Variants in LRP1B observed in about 807,000 individuals in gnomAD.
LRP1B encodes the protein low-density lipoprotein receptor-related protein 1B.
A neutral mutation model predicts 556.6 loss-of-function variants in LRP1B; 217 were observed. The ratio of observed to expected loss-of-function variants is 0.39; its 90% CI spans 0.35 to 0.44. LRP1B has a LOEUF of 0.44. Among genes scored for constraint, LRP1B ranks in the 20% least tolerant of loss-of-function variants. The pLI is 1.00. For missense variants in LRP1B, 5,053 were observed against 5,620.8 expected, an observed-to-expected ratio of 0.90 and a Z score of 3.23; for synonymous variants, 2,047 against 1,865.8, an observed-to-expected ratio of 1.10 and a Z score of -2.50.
At chr2:140,951,204 C>T (rs1007004239) in intron 19 of LRP1B, among the ~76,000 whole-genome samples, 3 of 152,094 alleles carry the variant, frequency 2.0e-5, no homozygotes, top group African/African-American at 7.2e-5. Flanking sequence ...AACATGAGAA[C>T]CCACTCTTTA....
At chr2:140,554,931 T>C (rs1680677348) in intron 43 of LRP1B, among the ~76,000 whole-genome samples, 1 of 151,772 alleles carries the variant, frequency 6.6e-6, no homozygotes, top group Non-Finnish European at 1.5e-5. Context: ...TATTTGCGTA[T>C]GTACACAAAA....
intron 7 of LRP1B, among the ~76,000 whole-genome samples, chr2:141,084,101 T>C (rs1310892994): frequency 6.6e-6 from 1 of 152,192 alleles, no homozygotes; most frequent in Non-Finnish European, 1.5e-5. Flanking sequence ...AGATAAGCAG[T>C]TCTTAGTAGA....
At chr2:140,585,864 G>A (rs1681962533) in intron 43 of LRP1B, among the ~76,000 whole-genome samples, 2 of 152,042 alleles carry the variant, frequency 1.3e-5, no homozygotes. Flanking sequence ...GAAAATCAGT[G>A]ATTTCAATGT....
At chr2:141,710,623 G>A (rs932901321) in intron 2 of LRP1B, among the ~76,000 whole-genome samples, 1 of 152,134 alleles carries the variant, frequency 6.6e-6, no homozygotes, top group Non-Finnish European at 1.5e-5. Context: ...GTTTCATAGA[G>A]GAAGTACTAA....
In LRP1B at chr2:141,328,646, G is replaced by T. The variant is rs181356620; in HGVS notation, c.344-74005C>A. Among the ~76,000 whole-genome samples the T allele has an allele frequency of 2.0e-5, 3 of 152,294 alleles. No individual in the cohort carries two copies. The East Asian group carries it at 5.8e-4, about 29-fold the overall frequency. On this transcript the variant is annotated intron_variant, in intron 3 of 90. Transcript: ENST00000389484. ...CTCCTGCAAAGCTAATAATTACGTG[G>T]TATTCATATCTCACTCAGTTACTGT...
chr2:141,437,698 G>A (rs1205560560), intron 3 of LRP1B, among the ~76,000 whole-genome samples: 1 of 151,878 alleles, frequency 6.6e-6, no homozygotes, highest in Non-Finnish European at 1.5e-5. Flanking sequence ...CGTCATGAGA[G>A]ACAAAAGCAG....
At chr2:140,659,596 C>G (rs1685019692) in intron 41 of LRP1B, among the ~76,000 whole-genome samples, 1 of 151,938 alleles carries the variant, frequency 6.6e-6, no homozygotes, top group Non-Finnish European at 1.5e-5. Context: ...ACATAAGAAA[C>G]AGGAAACATT....
At chr2:140,595,769 C>T (rs1042973933) in intron 43 of LRP1B, among the ~76,000 whole-genome samples, 7 of 151,986 alleles carry the variant, frequency 4.6e-5, no homozygotes, top group African/African-American at 1.7e-4. Context: ...AATAAAATTA[C>T]ATTTTTAAAA....
intron 43 of LRP1B, among the ~76,000 whole-genome samples, chr2:140,569,025 T>C (rs529447541): frequency 2.6e-5 from 4 of 151,696 alleles, no homozygotes; most frequent in East Asian, 3.9e-4. Context: ...ATAATCTACA[T>C]GAAAACACTC....
At chr2:140,718,901 G>C (rs1001172698) in intron 35 of LRP1B, among the ~76,000 whole-genome samples, 4 of 151,580 alleles carry the variant, frequency 2.6e-5, no homozygotes, top group African/African-American at 7.3e-5. Context: ...AGATATCTCA[G>C]CTGTCTTAGC....
At chr2:140,891,121 A>G (rs1363598440) in intron 23 of LRP1B, among the ~76,000 whole-genome samples, 1 of 152,134 alleles carries the variant, frequency 6.6e-6, no homozygotes, top group Admixed American at 6.5e-5. Context: ...AAGAGATGAG[A>G]TATGTACAAA....
chr2:141,815,742 C>T (rs761659405), intron 1 of LRP1B, among the ~76,000 whole-genome samples: 26 of 152,160 alleles, frequency 1.7e-4, no homozygotes, highest in Non-Finnish European at 3.2e-4. Flanking sequence ...CCTTGGATCC[C>T]GTTCCACGCT....
chr2:141,191,291 C>T (rs1211660935), intron 6 of LRP1B, among the ~76,000 whole-genome samples: 2 of 151,796 alleles, frequency 1.3e-5, no homozygotes, highest in Non-Finnish European at 2.9e-5. Context: ...TGGCATGGTC[C>T]CAGCTGGAGA....
At chr2:141,700,912 T>G (rs1691919095) in intron 2 of LRP1B, among the ~76,000 whole-genome samples, 1 of 151,852 alleles carries the variant, frequency 6.6e-6, no homozygotes, top group South Asian at 2.1e-4. Flanking sequence ...TGCTTCAAAT[T>G]TCCTTCTGAT....
intron 1 of LRP1B, among the ~76,000 whole-genome samples, chr2:142,127,832 C>T (rs1188368306): frequency 6.6e-6 from 1 of 151,994 alleles, no homozygotes; most frequent in East Asian, 1.9e-4. Context: ...CACAGACTAG[C>T]ATTAGGCCTC....
At chr2:140,909,337 A>G (rs954186561) in intron 21 of LRP1B, among the ~76,000 whole-genome samples, 2 of 152,148 alleles carry the variant, frequency 1.3e-5, no homozygotes. Context: ...AAAAGTCATT[A>G]GGTATTTAAA....
intron 66 of LRP1B, among the ~76,000 whole-genome samples, chr2:140,392,518 T>C (rs1684067535): frequency 1.3e-5 from 2 of 151,968 alleles, no homozygotes; most frequent in Admixed American, 1.3e-4. Flanking sequence ...GATGGGATCT[T>C]GCTCTGTCAC....
chr2:142,007,272 ACT>A (rs1269357767), intron 1 of LRP1B, among the ~76,000 whole-genome samples: 27 of 151,984 alleles, frequency 1.8e-4, no homozygotes, highest in Non-Finnish European at 3.5e-4. Context: ...AAATGCTGTA[ACT>A]CCCTCTTGCA....
In LRP1B at chr2:142,051,015, T is replaced by C. The variant is rs74385052; in HGVS notation, c.82+79633A>G. The stretch of plus-strand genomic sequence containing the variant: ...GAAGAAAGTATCAGCAAACACATAA[T>C]GGGGGTGGGAAAGAGGCAGAAAAAT... On this transcript the variant is annotated intron_variant, in intron 1 of 90. Transcript: ENST00000389484. Among the ~76,000 whole-genome samples the C allele has an allele frequency of 3.5e-3, 529 of 152,010 alleles. 2 individuals are homozygous for C. Among genetic ancestry groups the C allele is most frequent in the African/African-American group, 0.012 (481 of 41,474 alleles).
Sources: allele counts gnomAD v4.1 joint callset (sites outside exome capture counted in the v4.1 genomes callset), GRCh38; gene constraint gnomAD v4.1.1; transcripts MANE v1.5; gene names NCBI Gene and HGNC (gene_info 2026-07-23, HGNC 2026-07-21).